The following DENND3 variants were observed in gnomAD, a reference collection of about 807,000 sequenced individuals.
DENND3 encodes the protein DENN domain containing 3.
A neutral mutation model predicts 135.1 loss-of-function variants in DENND3; 88 were observed. The ratio of observed to expected loss-of-function variants is 0.65; its 90% CI spans 0.55 to 0.78. The LOEUF (loss-of-function observed/expected upper bound fraction) is 0.78, where lower values mean the gene tolerates loss of function less well. Among genes scored for constraint, DENND3 ranks in the 30% least tolerant of loss-of-function variants. DENND3 has a pLI of 0.00. For synonymous variants in DENND3, 693 were observed against 712.3 expected, an observed-to-expected ratio of 0.97 and a Z score of 0.43; for missense variants, 1,392 against 1,688.4, an observed-to-expected ratio of 0.82 and a Z score of 3.08.
In DENND3 at chr8:141,174,219, C is replaced by T. The variant is rs912585977; in HGVS notation, c.2276-981C>T. The stretch of plus-strand genomic sequence containing the variant: ...CTTGGAAGAATGTGGCTGTGGTATA[C>T]AGAAGCAGCCCTGAGTGTTAAACAT... On this transcript the variant is annotated intron_variant, in intron 13 of 22. Coordinates refer to ENST00000519811, the MANE Select transcript of DENND3 (RefSeq NM_001352890.3). This position sits in a 1 kb window ranked among gnomAD's most constrained non-coding sequence, Gnocchi z 4.6. 2.0e-5 allele frequency among the ~76,000 whole-genome samples: 3 copies of T among 152,120 alleles called. No homozygotes were observed. Among genetic ancestry groups the T allele is most frequent in the Admixed American group, 2.0e-4 (3 of 15,260 alleles).
rs1824333393 is a variant in DENND3 at position 141,189,120 on chromosome 8, T to G, written c.3219T>G (p.Ile1073Met). ...TAHCSSVTDLIVQDGQEAPSN... is the reference protein window; with the variant it reads ...TAHCSSVTDLMVQDGQEAPSN... Reference sequence around the variant, plus strand: ...ACTGCTCCAGTGTCACGGATTTGATTGTGCAGGACGGACAGGAGGCACCCA... The same window carrying G: ...ACTGCTCCAGTGTCACGGATTTGATGGTGCAGGACGGACAGGAGGCACCCA... Residue 1073 changes from isoleucine (I) to methionine (M), a missense_variant, in exon 19 of 23, where the codon ATT becomes ATG. Coordinates refer to ENST00000519811, the MANE Select transcript of DENND3 (RefSeq NM_001352890.3). 1 of 1,614,066 alleles carries G rather than the reference T, an allele frequency of 6.2e-7. No homozygotes were observed. Among genetic ancestry groups the G allele is most frequent in the African/African-American group, 1.3e-5 (1 of 74,942 alleles).
In DENND3 at chr8:141,151,950, G is replaced by T. The variant is rs910350375; in HGVS notation, c.1074+113G>T. 7.7e-6 allele frequency: 10 copies of T among 1,297,978 alleles called. No individual in the cohort carries two copies. In the South Asian group the frequency reaches 1.2e-4, roughly 16 times the overall value. 80.4% of individuals were successfully genotyped at this position (1,297,978 alleles called of 1,614,324 possible). ...GCGGTGAAGGCGGGGTCTGTGTGCC[G>T]CAGAGAGGTCACGGGTACCGTGAGA... On this transcript the variant is annotated intron_variant, in intron 7 of 22. Coordinates refer to ENST00000519811, the MANE Select transcript of DENND3 (RefSeq NM_001352890.3).
Position 141,144,135 on chromosome 8 carries a change from T to A in DENND3, c.624-13T>A. On this transcript the variant is annotated splice_polypyrimidine_tract_variant and intron_variant, in intron 4 of 22. Coordinates refer to ENST00000519811, the MANE Select transcript of DENND3 (RefSeq NM_001352890.3). The surrounding 1 kb of genome is among the most constrained non-coding windows in gnomAD (Gnocchi z 4.4). ...TTTATTTTGCGGTTTGAGTTTTGTG[T>A]TTCGAATTTCAGTTTATTGGCTCTT... The A allele has an allele frequency of 6.2e-7, 1 of 1,601,466 alleles. No homozygotes were observed. The highest frequency in any genetic ancestry group is 8.5e-7 in the Non-Finnish European group (1 of 1,175,368).
At chr8:141,170,344 C>T (rs1821370447) in intron 13 of DENND3, among the ~76,000 whole-genome samples, 1 of 152,012 alleles carries the variant, frequency 6.6e-6, no homozygotes, top group South Asian at 2.1e-4. Context: ...TGAGGGATGT[C>T]ATGGCCGAGT....
In DENND3 at chr8:141,130,337, T is replaced by C. The variant is rs950571021; in HGVS notation, c.102+1528T>C. Among the ~76,000 whole-genome samples, 1 of 152,208 alleles carries C rather than the reference T, an allele frequency of 6.6e-6. No individual in the cohort carries two copies. The highest frequency in any genetic ancestry group is 1.5e-5 in the Non-Finnish European group (1 of 68,024). ...CTCCCGCCTCAGCCTTTCAAAGTGC[T>C]GGGATTACAGGCGTGAGCCACTGCG... On this transcript the variant is annotated intron_variant, in intron 1 of 22. Coordinates refer to ENST00000519811, the MANE Select transcript of DENND3 (RefSeq NM_001352890.3). The surrounding 1 kb of genome is among the most constrained non-coding windows in gnomAD (Gnocchi z 4.2).
At chr8:141,188,048 C>CGTGGTGGCATCAGCCAGGT (rs1761985178) in intron 18 of DENND3, among the ~76,000 whole-genome samples, 1 of 147,046 alleles carries the variant, frequency 6.8e-6, no homozygotes. Context: ...ATCAGCCAGG[C>CGTGGTGGCATCAGCCAGGT]GTGGTGGCAT....
At chr8:141,148,146 C>A (rs558292742) in intron 5 of DENND3, among the ~76,000 whole-genome samples, 1 of 152,294 alleles carries the variant, frequency 6.6e-6, no homozygotes, top group East Asian at 1.9e-4. Flanking sequence ...AGGCTGTTTT[C>A]GAGAGCAGTA....
rs564189649 is a variant in DENND3 at position 141,182,402 on chromosome 8, G to A, written c.2944+1548G>A. The A allele has an allele frequency of 1.0e-6, 1 of 985,458 alleles. No individual in the cohort carries two copies. The highest frequency in any genetic ancestry group is 4.7e-5 in the South Asian group (1 of 21,294). The allele number at this position is 985,458 out of a possible 1,614,324, so 61.0% of individuals were successfully genotyped here. On this transcript the variant is annotated intron_variant, in intron 17 of 22. Coordinates refer to ENST00000519811, the MANE Select transcript of DENND3 (RefSeq NM_001352890.3). This position sits in a 1 kb window ranked among gnomAD's most constrained non-coding sequence, Gnocchi z 5.9. ...GGGCCGCCCCGCGTGAGCCCTACCT[G>A]ATGTGTCTAAGCCAGGCTCTGTGCT...
chr8:141,185,173 T>C lies in DENND3; in HGVS notation c.2979T>C (p.Ala993=). The C allele has an allele frequency of 1.9e-6, 3 of 1,614,168 alleles. No individual in the cohort carries two copies. The highest frequency in any genetic ancestry group is 2.2e-5 in the East Asian group (1 of 44,884). The change falls in exon 18 of 23, where the codon GCT becomes GCC. Residue 993 remains alanine, a synonymous_variant. Coordinates refer to ENST00000519811, the MANE Select transcript of DENND3 (RefSeq NM_001352890.3). ...HLDPAEKVED[A]HPKLWCALSE... ...ACCCAGCCGAAAAAGTTGAAGATGC[T>C]CACCCCAAGTTATGGTGTGCTCTGA... is the stretch of plus-strand genomic sequence containing the variant.
At chr8:141,178,783 C>T (rs1235966393) in intron 16 of DENND3, among the ~76,000 whole-genome samples, 1 of 152,232 alleles carries the variant, frequency 6.6e-6, no homozygotes, top group Non-Finnish European at 1.5e-5. Flanking sequence ...CTCTCGCATT[C>T]TGGAAGCCAT....
At chr8:141,184,004 T>C (rs1823552678) in intron 17 of DENND3, among the ~76,000 whole-genome samples, 1 of 152,206 alleles carries the variant, frequency 6.6e-6, no homozygotes, top group South Asian at 2.1e-4. Context: ...TTTTGCTTTC[T>C]GCTGGAAGCC....
At chr8:141,165,345 G>C in intron 11 of DENND3, 56 bp downstream of exon 11, 1 of 1,413,932 alleles carries the variant, frequency 7.1e-7, no homozygotes, top group Non-Finnish European at 1.0e-6. Flanking sequence ...AGTGTTCAAG[G>C]ACCTCAGTTT....
intron 14 of DENND3, chr8:141,176,048 G>A (rs1263743176): frequency 5.6e-6 from 1 of 178,854 alleles, no homozygotes; most frequent in Non-Finnish European, 1.2e-5. Context: ...TAAGAGGCAT[G>A]TCAGATACAC....
At chr8:141,135,632 C>G (rs763016610) in intron 1 of DENND3, among the ~76,000 whole-genome samples, 3 of 152,190 alleles carry the variant, frequency 2.0e-5, no homozygotes, top group Non-Finnish European at 2.9e-5. Context: ...TTGGAAAGAT[C>G]TGAAATCAGC....
At chr8:141,135,598 C>T (rs1017289471) in intron 1 of DENND3, among the ~76,000 whole-genome samples, 14 of 152,172 alleles carry the variant, frequency 9.2e-5, no homozygotes, top group Admixed American at 3.3e-4. Context: ...TTCCTTCTTG[C>T]TCGCAGACTG....
Position 141,155,921 on chromosome 8 carries a change from G to T in DENND3, c.1147G>T (p.Val383Leu), listed in dbSNP as rs767984391. The T allele has an allele frequency of 3.1e-6, 5 of 1,612,416 alleles. No individual in the cohort carries two copies. Among genetic ancestry groups the T allele is most frequent in the Middle Eastern group, 1.7e-4 (1 of 6,054 alleles). Residue 383 changes from valine to leucine, a missense_variant, in exon 8 of 23, where the codon GTG (valine) becomes TTG (leucine). Transcript: ENST00000519811. ...CTACTCCAAGTCCACGGACGATAAC[G>T]TGGACATTCCTGATGTCCCCCTCCT... ...ITYSKSTDDN[V>L]DIPDVPLLAA...
chr8:141,189,111 G>A lies in DENND3; in HGVS notation c.3210G>A (p.Thr1070=), dbSNP rs200588120. 27 of 1,614,208 alleles carry A rather than the reference G, an allele frequency of 1.7e-5. No individual in the cohort carries two copies. In the East Asian group the frequency reaches 2.5e-4, roughly 15 times the overall value. The change falls in exon 19 of 23, where the codon ACG becomes ACA. Residue 1070 remains threonine, a synonymous_variant. Transcript: ENST00000519811. Reference sequence around the variant, plus strand: ...TCACAGCCCACTGCTCCAGTGTCACGGATTTGATTGTGCAGGACGGACAGG... The same window carrying A: ...TCACAGCCCACTGCTCCAGTGTCACAGATTTGATTGTGCAGGACGGACAGG... ...KQLTAHCSSV[T]DLIVQDGQEA...
rs752851703 is a variant in DENND3, at chr8:141,190,338, A to G, written c.3300A>G (p.Thr1100=). The change falls in exon 20 of 23, where the codon ACA becomes ACG. Residue 1100 remains threonine (T), a synonymous_variant. Transcript: ENST00000519811. ...TGGTGCTGGTGTGGAATGTGAGCAC[A>G]CTGCAGGTGACCAGCCGCTTCCAGC... ...DGMVLVWNVS[T]LQVTSRFQLP... 1 of 1,613,360 alleles carries G rather than the reference A, an allele frequency of 6.2e-7. No homozygotes were observed. Among genetic ancestry groups the G allele is most frequent in the South Asian group, 1.1e-5 (1 of 90,880 alleles).
intron 19 of DENND3, 140 bp downstream of exon 19, chr8:141,189,286 C>T: frequency 8.4e-7 from 1 of 1,189,904 alleles, no homozygotes; most frequent in Non-Finnish European, 1.2e-6. Context: ...ACGAGGAAAG[C>T]TGGGTGGTGT....
Sources: gnomAD v4.1 joint callset for allele counts (sites outside exome capture counted in the v4.1 genomes callset) on GRCh38, gnomAD v4.1.1 for gene constraint, Gnocchi (gnomAD v3.1) non-coding constraint, MANE v1.5 for transcripts, NCBI Gene and HGNC (gene_info 2026-07-23, HGNC 2026-07-21) for gene names.